Variants in PIGZ observed in about 807,000 individuals in gnomAD.
PIGZ encodes phosphatidylinositol glycan anchor biosynthesis class Z (Gwada blood group).
In PIGZ, 16 loss-of-function variants were observed where a neutral mutation model predicts 16.4. The observed-to-expected ratio is 0.97, with a 90% CI of 0.66 to 1.48. The LOEUF (loss-of-function observed/expected upper bound fraction) is 1.48, where lower values mean the gene tolerates loss of function less well. PIGZ is among the 40% of genes most tolerant of loss of function. The pLI is 0.00. For missense variants in PIGZ, 770 were observed against 739.2 expected, an observed-to-expected ratio of 1.04 and a Z score of -0.48; for synonymous variants, 409 against 338.4, an observed-to-expected ratio of 1.21 and a Z score of -2.29.
chr3:196,947,693 G>C lies in PIGZ; in HGVS notation c.1204C>G (p.Leu402Val), dbSNP rs770688620. ...ACAGGCTGCGTCTGTGGACTACAAA[G>C]CAGGACCAGGGGGACCAGGAGGGGA... ...LIPLLVPLVL[L>V]CSPQTQPVPW... Residue 402 changes from leucine to valine, a missense_variant, in exon 3 of 3, where the codon CTT becomes GTT. Coordinates refer to ENST00000412723, the MANE Select transcript of PIGZ (RefSeq NM_025163.4). The C allele has an allele frequency of 1.2e-5, 19 of 1,613,188 alleles. No individual in the cohort carries two copies. Among genetic ancestry groups the C allele is most frequent in the South Asian group, 5.5e-5 (5 of 90,894 alleles).
chr3:196,965,571 C>T lies in PIGZ; in HGVS notation c.-1+3116G>A, dbSNP rs941190887. Among the ~76,000 whole-genome samples the T allele has an allele frequency of 4.6e-5, 7 of 152,238 alleles. No homozygotes were observed. In the East Asian group the frequency reaches 7.7e-4, roughly 17 times the overall value. On this transcript the variant is annotated intron_variant, in intron 1 of 2. Transcript: ENST00000412723. This position sits in a 1 kb window ranked among gnomAD's most constrained non-coding sequence, Gnocchi z 4.2. ...TTGTCCCTGCACTACGTAATGCCAA[C>T]GTTGCTTGCTAATTATTCCTTGAAC...
chr3:196,967,000 G>A (rs1231288758), intron 1 of PIGZ, among the ~76,000 whole-genome samples: 3 of 151,972 alleles, frequency 2.0e-5, no homozygotes, highest in African/African-American at 7.2e-5. Context: ...TGACAACCAC[G>A]CCGACAGGGG....
intron 1 of PIGZ, among the ~76,000 whole-genome samples, chr3:196,958,904 G>A (rs1016685614): frequency 2.2e-4 from 33 of 152,170 alleles, no homozygotes; most frequent in African/African-American, 7.0e-4. Context: ...GGGGGAGGGG[G>A]GCAGGAAACA....
In PIGZ at chr3:196,948,205, A is replaced by G. The variant is rs772341617; in HGVS notation, c.692T>C (p.Leu231Pro). The change falls in exon 3 of 3, where the codon CTG becomes CCG. Residue 231 changes from leucine (L) to proline (P), a missense_variant. Leu to Pro is a moderately conservative substitution (Grantham distance 98, BLOSUM62 -3). Transcript: ENST00000412723. ...AAGFFNRPTF[L>P]AFAVVPLYLW... is the part of the protein sequence containing the mutation. ...GTAGAGGGGGACCACAGCAAAGGCC[A>G]GAAAGGTGGGCCGGTTGAAGAAGCC... is the stretch of plus-strand genomic sequence containing the variant. The G allele has an allele frequency of 1.2e-6, 2 of 1,614,194 alleles. No homozygotes were observed. The highest frequency in any genetic ancestry group is 2.2e-5 in the South Asian group (2 of 91,084).
intron 1 of PIGZ, among the ~76,000 whole-genome samples, chr3:196,953,269 G>A (rs961274259): frequency 6.6e-6 from 1 of 152,194 alleles, no homozygotes; most frequent in South Asian, 2.1e-4. Context: ...TCTGGGTCTT[G>A]CAGCCCATCC....
In PIGZ at chr3:196,952,028, G is replaced by T. The variant is rs771112861; in HGVS notation, c.4C>A (p.Gln2Lys). Reference sequence around the variant, plus strand: ...GATGCTACGCTGGATCCACAGATCTGCATCTGTTGAGGATAACAGTTGTTG... The same window carrying T: ...GATGCTACGCTGGATCCACAGATCTTCATCTGTTGAGGATAACAGTTGTTG... The part of the protein sequence containing the change: M[Q>K]ICGSSVASVA... The change falls in exon 2 of 3, where the codon CAG becomes AAG. Residue 2 changes from glutamine to lysine, a missense_variant. Coordinates refer to ENST00000412723, the MANE Select transcript of PIGZ (RefSeq NM_025163.4). 4 of 1,613,202 alleles carry T rather than the reference G, an allele frequency of 2.5e-6. No homozygotes were observed. The highest frequency in any genetic ancestry group is 3.4e-6 in the Non-Finnish European group (4 of 1,179,450).
intron 1 of PIGZ, among the ~76,000 whole-genome samples, chr3:196,958,368 C>T (rs1396068952): frequency 2.0e-5 from 3 of 152,336 alleles, no homozygotes; most frequent in East Asian, 3.9e-4. Context: ...TGGTGGCTCA[C>T]GCCTGTAACC....
Position 196,951,655 on chromosome 3 carries a change from A to C in PIGZ, c.211+166T>G. 4.6e-6 allele frequency: 3 copies of C among 655,776 alleles called. No homozygotes were observed. The East Asian group carries it at 8.2e-5, about 18-fold the overall frequency. 40.6% of individuals were successfully genotyped at this position (655,776 alleles called of 1,614,324 possible). A position where few individuals can be genotyped will look rare whatever the true frequency, so the allele number is the denominator to read the frequency against. ...TGTCACCACTCGGGAAGGAGATATG[A>C]AGTCCCCACTTCCAAGTTCTTACCC... On this transcript the variant is annotated intron_variant, in intron 2 of 2. Coordinates refer to ENST00000412723, the MANE Select transcript of PIGZ (RefSeq NM_025163.4).
chr3:196,951,143 T>C (rs531182301), intron 2 of PIGZ, among the ~76,000 whole-genome samples: 2 of 152,286 alleles, frequency 1.3e-5, no homozygotes, highest in African/African-American at 4.8e-5. Context: ...TTCTGCCCAG[T>C]GTGATAGAAA....
At chr3:196,962,659 CTG>C (rs1717767112) in intron 1 of PIGZ, among the ~76,000 whole-genome samples, 1 of 117,296 alleles carries the variant, frequency 8.5e-6, no homozygotes, top group Non-Finnish European at 1.8e-5. Context: ...CTGATCTTTA[CTG>C]CACGGCAATA....
rs1040856753 is a variant in PIGZ at position 196,947,881 on chromosome 3, T to G, written c.1016A>C (p.Gln339Pro). 2 of 1,613,790 alleles carry G rather than the reference T, an allele frequency of 1.2e-6. No homozygotes were observed. Among genetic ancestry groups the G allele is most frequent in the African/African-American group, 2.7e-5 (2 of 74,920 alleles). Residue 339 changes from glutamine to proline, a missense_variant, in exon 3 of 3, where the codon CAA becomes CCA. Gln to Pro is a moderately conservative substitution (Grantham distance 76). Transcript: ENST00000412723. ...GGCCTGGAGGCCGACTTGCAGCCGT[T>G]GCCACGCAGCCTGCAGGGCCTGGGC... ...LHAQALQAAW[Q>P]RLQVGLQASA...
rs533220530 is a variant in PIGZ, at chr3:196,950,629, C to T, written c.211+1192G>A. 9.2e-5 allele frequency among the ~76,000 whole-genome samples: 14 copies of T among 152,298 alleles called. No homozygotes were observed. In the South Asian group the frequency reaches 2.5e-3, roughly 27 times the overall value. ...TCTGGCTGCTTTTCTGGTTAAAAAACGACGTGAGGGAAAGAAGATGAGCCT... is the reference window on the plus strand; with the variant it reads ...TCTGGCTGCTTTTCTGGTTAAAAAATGACGTGAGGGAAAGAAGATGAGCCT... On this transcript the variant is annotated intron_variant, in intron 2 of 2. Coordinates refer to ENST00000412723, the MANE Select transcript of PIGZ (RefSeq NM_025163.4).
intron 1 of PIGZ, among the ~76,000 whole-genome samples, chr3:196,961,732 A>G (rs1412679702): frequency 6.6e-6 from 1 of 152,248 alleles, no homozygotes; most frequent in Non-Finnish European, 1.5e-5. Context: ...TCGTCCAGAC[A>G]TGACAAACTG....
intron 1 of PIGZ, among the ~76,000 whole-genome samples, chr3:196,960,737 G>GAGAGAGAAAGAAAGAA (rs1717684768): frequency 1.4e-5 from 2 of 140,504 alleles, no homozygotes; most frequent in African/African-American, 5.3e-5. Flanking sequence ...AAGAAAGAAA[G>GAGAGAGAAAGAAAGAA]AGAAAGAAAG....
chr3:196,955,264 C>T (rs2108907879), intron 1 of PIGZ, among the ~76,000 whole-genome samples: 1 of 152,238 alleles, frequency 6.6e-6, no homozygotes, highest in Middle Eastern at 3.4e-3. Flanking sequence ...TTTTTTACTG[C>T]TTATTTTATC....
rs1716879822 is a variant in PIGZ at position 196,946,458 on chromosome 3, C to T, written c.*699G>A. ...ATGAAGTACAACACAACTCCCACTT[C>T]CATGCTTGAAGAGCTTTGTGAGAGC... On this transcript the variant is annotated 3_prime_UTR_variant, in exon 3 of 3. Coordinates refer to ENST00000412723, the MANE Select transcript of PIGZ (RefSeq NM_025163.4). The T allele has an allele frequency of 6.6e-6, 1 of 152,268 alleles. No homozygotes were observed. The highest frequency in any genetic ancestry group is 2.1e-4 in the South Asian group (1 of 4,830). 9.4% of individuals were successfully genotyped at this position (152,268 alleles called of 1,614,324 possible). A position where few individuals can be genotyped will look rare whatever the true frequency, so the allele number is the denominator to read the frequency against.
chr3:196,964,806 A>G (rs1717862602), intron 1 of PIGZ, among the ~76,000 whole-genome samples: 1 of 152,102 alleles, frequency 6.6e-6, no homozygotes, highest in South Asian at 2.1e-4. Context: ...GCATGATCTC[A>G]GCTCATTGCA....
Position 196,946,884 on chromosome 3 carries a change from C to T in PIGZ, c.*273G>A. ...TTTCAAACATCACAGTGGCTGGAAG[C>T]AACAGGGCAGGAACAGACAGGTGTC... On this transcript the variant is annotated 3_prime_UTR_variant, in exon 3 of 3. Coordinates refer to ENST00000412723, the MANE Select transcript of PIGZ (RefSeq NM_025163.4). 2.6e-6 allele frequency: 1 copy of T among 386,046 alleles called. No homozygotes were observed. Among genetic ancestry groups the T allele is most frequent in the Non-Finnish European group, 4.6e-6 (1 of 215,932 alleles). 23.9% of individuals were successfully genotyped at this position (386,046 alleles called of 1,614,324 possible).
At chr3:196,964,428 G>C (rs989436630) in intron 1 of PIGZ, among the ~76,000 whole-genome samples, 1 of 151,622 alleles carries the variant, frequency 6.6e-6, no homozygotes, top group Non-Finnish European at 1.5e-5. Flanking sequence ...CACGATCTTG[G>C]CTCACTGCAA....
Sources: allele counts gnomAD v4.1 joint callset (sites outside exome capture counted in the v4.1 genomes callset), GRCh38; gene constraint gnomAD v4.1.1; non-coding constraint Gnocchi (gnomAD v3.1); transcripts MANE v1.5; gene names NCBI Gene and HGNC (gene_info 2026-07-23, HGNC 2026-07-21).